The following NAXD variants were observed in gnomAD, a reference collection of about 807,000 sequenced individuals.
NAXD encodes NAD(P)HX dehydratase.
In NAXD, 22 loss-of-function variants were observed where a neutral mutation model predicts 35.8. That is an observed-to-expected ratio of 0.62 (90% CI 0.44 to 0.88). NAXD has a LOEUF of 0.88. Ranked by LOEUF, NAXD falls within the 40% of genes least tolerant of loss-of-function variation. The pLI is 0.00. For synonymous variants in NAXD, 189 were observed against 177.6 expected, an observed-to-expected ratio of 1.06 and a Z score of -0.51; for missense variants, 428 against 437.7, an observed-to-expected ratio of 0.98 and a Z score of 0.20.
intron 5 of NAXD, among the ~76,000 whole-genome samples, chr13:110,629,606 A>G (rs1422191283): frequency 6.6e-6 from 1 of 151,862 alleles, no homozygotes; most frequent in East Asian, 1.9e-4. Context: ...ACTCTGCATA[A>G]TTTTATATTT....
intron 3 of NAXD, among the ~76,000 whole-genome samples, chr13:110,624,741 C>G (rs537286445): frequency 2.0e-5 from 3 of 152,358 alleles, no homozygotes; most frequent in African/African-American, 7.2e-5. Context: ...GGATTACAGG[C>G]GTGAGCCACT....
In NAXD at chr13:110,638,617, G is replaced by T. The variant is rs1029101241; in HGVS notation, c.*89G>T. The T allele has an allele frequency of 2.8e-6, 4 of 1,443,250 alleles. No homozygotes were observed. The highest frequency in any genetic ancestry group is 2.8e-5 in the African/African-American group (2 of 71,788). The allele number at this position is 1,443,250 out of a possible 1,614,324, so 89.4% of individuals were successfully genotyped here. A position where few individuals can be genotyped will look rare whatever the true frequency, so the allele number is the denominator to read the frequency against. On this transcript the variant is annotated 3_prime_UTR_variant, in exon 10 of 10. Transcript: ENST00000680254. This position sits in a 1 kb window ranked among gnomAD's most constrained non-coding sequence, Gnocchi z 5.4. The stretch of plus-strand genomic sequence containing the variant: ...ATCCGGACCCACGCGTGTGCTGAAG[G>T]CGTACGGTGCTTGCCAGATTTTCAA...
intron 7 of NAXD, 82 bp from the exon 8 acceptor site, chr13:110,635,386 C>G: frequency 2.0e-6 from 3 of 1,513,386 alleles, no homozygotes; most frequent in Non-Finnish European, 2.7e-6. Context: ...GCATGAGTCT[C>G]ATGGCGGATG....
intron 1 of NAXD, 79 bp downstream of exon 1, chr13:110,615,726 G>A (rs1219613892): frequency 1.3e-6 from 2 of 1,510,896 alleles, no homozygotes; most frequent in Non-Finnish European, 8.8e-7. Context: ...GGTCGTTGTC[G>A]CATTGCTCTC....
rs147478442 is a variant in NAXD, at chr13:110,637,530, G to C, written c.839+281G>C. Among the ~76,000 whole-genome samples the C allele has an allele frequency of 3.3e-3, 508 of 152,326 alleles. 2 individuals are homozygous for C. Among genetic ancestry groups the C allele is most frequent in the African/African-American group, 0.011 (473 of 41,574 alleles). On this transcript the variant is annotated intron_variant, in intron 9 of 9. Coordinates refer to ENST00000680254, the MANE Select transcript of NAXD (RefSeq NM_001242882.2). ...TGCAACCAAGGCCCAGCAGCACGCT[G>C]TTCTGGGAAGTTGAGTGGTTTATTC...
chr13:110,621,174 G>A (rs1886249296), intron 1 of NAXD, among the ~76,000 whole-genome samples: 2 of 152,178 alleles, frequency 1.3e-5, no homozygotes, highest in African/African-American at 4.8e-5. Context: ...AATACAGTTG[G>A]GAGTAATATG....
At chr13:110,623,484 GCCC>G (rs1324998786) in intron 2 of NAXD, among the ~76,000 whole-genome samples, 2 of 152,172 alleles carry the variant, frequency 1.3e-5, no homozygotes, top group Non-Finnish European at 2.9e-5. Flanking sequence ...GTCCCAGGTG[GCCC>G]CCATCTGGCC....
At chr13:110,632,320 A>G (rs1594180647) in intron 5 of NAXD, among the ~76,000 whole-genome samples, 1 of 152,208 alleles carries the variant, frequency 6.6e-6, no homozygotes, top group African/African-American at 2.4e-5. Flanking sequence ...TACAGCTCAT[A>G]AAAGCAGTGT....
At chr13:110,634,870 TG>T (rs544276244) in intron 7 of NAXD, 94 bp downstream of exon 7, 225 of 904,776 alleles carry the variant, frequency 2.5e-4, no homozygotes, top group Non-Finnish European at 3.8e-4. Context: ...AGCCTGTCCC[TG>T]TGGACACACC....
At chr13:110,620,606 T>C (rs4773230) in intron 1 of NAXD, among the ~76,000 whole-genome samples, 16,368 of 149,220 alleles carry the variant, frequency 0.11, 1,302 homozygotes, top group Admixed American at 0.25. Context: ...AGAATTTGGG[T>C]TGATGGGGAT....
At position 110,628,434 on chromosome 13, in the gene NAXD, C is replaced by G. The variant is rs1192929068; in HGVS notation, c.441+887C>G. Among the ~76,000 whole-genome samples the G allele has an allele frequency of 6.6e-6, 1 of 152,178 alleles. No individual in the cohort carries two copies. The highest frequency in any genetic ancestry group is 1.5e-5 in the Non-Finnish European group (1 of 68,026). ...TACGCTTGAAGCCCTTAGAAGGTGCCTGGCCATTTTGTGTTCCCCAGATCA... is the reference window on the plus strand; with the variant it reads ...TACGCTTGAAGCCCTTAGAAGGTGCGTGGCCATTTTGTGTTCCCCAGATCA... On this transcript the variant is annotated intron_variant, in intron 5 of 9. Coordinates refer to ENST00000680254, the MANE Select transcript of NAXD (RefSeq NM_001242882.2). This position sits in a 1 kb window ranked among gnomAD's most constrained non-coding sequence, Gnocchi z 4.1.
At chr13:110,626,447 T>C (rs771757097) in intron 4 of NAXD, among the ~76,000 whole-genome samples, 68 of 151,338 alleles carry the variant, frequency 4.5e-4, no homozygotes, top group Non-Finnish European at 7.7e-4. Flanking sequence ...CAGTTAGACA[T>C]CCAAGGGACG....
At chr13:110,637,103 C>T (rs1259418034) in intron 8 of NAXD, 26 bp from the exon 9 acceptor site, 5 of 1,588,590 alleles carry the variant, frequency 3.1e-6, no homozygotes, top group Non-Finnish European at 4.3e-6. Flanking sequence ...CATGCTGACA[C>T]CTGCTCTCAC....
At chr13:110,625,739 A>G (rs1489080423) in intron 4 of NAXD, among the ~76,000 whole-genome samples, 1 of 152,110 alleles carries the variant, frequency 6.6e-6, no homozygotes, top group African/African-American at 2.4e-5. Context: ...TGCTGTGTGG[A>G]GGTGTTCTCT....
chr13:110,633,541 G>C (rs1886802901), intron 5 of NAXD, among the ~76,000 whole-genome samples: 1 of 152,262 alleles, frequency 6.6e-6, no homozygotes. Context: ...AGGCAGAGGA[G>C]GTGCTGAGAG....
chr13:110,637,940 T>TA, intron 9 of NAXD: 3 of 542,420 alleles, frequency 5.5e-6, no homozygotes, highest in Non-Finnish European at 1.0e-5. Context: ...GCAGGAGTCT[T>TA]ACTGTTCATT....
In NAXD at chr13:110,639,762, T is replaced by A. The variant is rs1346486629; in HGVS notation, c.*1234T>A. ...AGAGTCTTTTTGGCCTGATGATGAC[T>A]CTTGAGTGATACCCTGTGATGCAGA... On this transcript the variant is annotated 3_prime_UTR_variant, in exon 10 of 10. Transcript: ENST00000680254. The A allele has an allele frequency of 6.6e-6, 1 of 152,166 alleles. No individual in the cohort carries two copies. The highest frequency in any genetic ancestry group is 1.5e-5 in the Non-Finnish European group (1 of 68,022). 9.4% of individuals were successfully genotyped at this position (152,166 alleles called of 1,614,324 possible).
At chr13:110,620,789 A>C (rs1886237506) in intron 1 of NAXD, among the ~76,000 whole-genome samples, 1 of 152,230 alleles carries the variant, frequency 6.6e-6, no homozygotes, top group Non-Finnish European at 1.5e-5. Context: ...TTTGGACTGC[A>C]GTCAGTGGAA....
intron 7 of NAXD, 48 bp downstream of exon 7, chr13:110,634,824 T>C: frequency 7.3e-7 from 1 of 1,374,390 alleles, no homozygotes; most frequent in Non-Finnish European, 1.0e-6. Context: ...CTGTTCGTCC[T>C]GAAGAGGGTG....
Sources: allele counts gnomAD v4.1 joint callset (sites outside exome capture counted in the v4.1 genomes callset), GRCh38; gene constraint gnomAD v4.1.1; non-coding constraint Gnocchi (gnomAD v3.1); transcripts MANE v1.5; gene names NCBI Gene and HGNC (gene_info 2026-07-23, HGNC 2026-07-21).